KCNN2: variants seen among roughly 807,000 people sequenced by gnomAD.
KCNN2 encodes potassium calcium-activated channel subfamily N member 2.
KCNN2 carries 24 observed loss-of-function variants against 55.5 expected under a neutral mutation model. The ratio of observed to expected loss-of-function variants is 0.43; its 90% CI spans 0.31 to 0.61. KCNN2 has a LOEUF of 0.61. KCNN2 is among the 20% of genes least tolerant of loss of function. The pLI is 0.08. For synonymous variants in KCNN2, 431 were observed against 336.1 expected, an observed-to-expected ratio of 1.28 and a Z score of -3.09; for missense variants, 754 against 853.6, an observed-to-expected ratio of 0.88 and a Z score of 1.45.
At chr5:114,141,052 G>T (rs1298520339) in intron 1 of KCNN2, among the ~76,000 whole-genome samples, 1 of 151,998 alleles carries the variant, frequency 6.6e-6, no homozygotes, top group Non-Finnish European at 1.5e-5. Flanking sequence ...CTCCCAAAGT[G>T]CTGGGATTAC....
At chr5:114,331,371 G>C (rs1756818891) in intron 2 of KCNN2, among the ~76,000 whole-genome samples, 1 of 152,140 alleles carries the variant, frequency 6.6e-6, no homozygotes, top group African/African-American at 2.4e-5. Flanking sequence ...TGTGAAGAAG[G>C]CAATGTGGCT....
intron 3 of KCNN2, among the ~76,000 whole-genome samples, chr5:114,451,056 T>C (rs548212936): frequency 2.2e-4 from 34 of 152,348 alleles, no homozygotes; most frequent in Admixed American, 2.2e-3. Context: ...AACATAGTAG[T>C]GAAAGTTATA....
chr5:114,106,638 C>A (rs1394845490), intron 1 of KCNN2, among the ~76,000 whole-genome samples: 3 of 118,362 alleles, frequency 2.5e-5, no homozygotes, highest in Non-Finnish European at 5.5e-5. Flanking sequence ...GAGGATTTTC[C>A]AGTTGTTTTT....
chr5:114,233,157 T>G (rs1754398301), intron 2 of KCNN2, among the ~76,000 whole-genome samples: 3 of 150,920 alleles, frequency 2.0e-5, no homozygotes, highest in Admixed American at 2.0e-4. Context: ...CCTGACCTCG[T>G]GATCCGCCCG....
intron 1 of KCNN2, among the ~76,000 whole-genome samples, chr5:114,204,940 C>T (rs1160439486): frequency 1.3e-5 from 2 of 152,210 alleles, no homozygotes; most frequent in African/African-American, 4.8e-5. Context: ...AAGAGACTCA[C>T]TTTTCAAACA....
chr5:114,387,091 T>G (rs1456604533), intron 2 of KCNN2, among the ~76,000 whole-genome samples: 1 of 152,210 alleles, frequency 6.6e-6, no homozygotes, highest in Non-Finnish European at 1.5e-5. Context: ...CACTTGATTA[T>G]TTTTTCTTTA....
chr5:114,216,010 A>G (rs143751719), intron 1 of KCNN2, among the ~76,000 whole-genome samples: 19 of 152,298 alleles, frequency 1.2e-4, no homozygotes, highest in Non-Finnish European at 2.8e-4. Context: ...AAATTATAAT[A>G]TAGAACTCAA....
intron 1 of KCNN2, among the ~76,000 whole-genome samples, chr5:114,144,493 C>G (rs1203219004): frequency 2.0e-5 from 3 of 151,986 alleles, no homozygotes; most frequent in African/African-American, 7.3e-5. Flanking sequence ...ATAGTTTACT[C>G]CTTTTAAGAA....
At chr5:114,431,384 T>G (rs981739573) in intron 3 of KCNN2, among the ~76,000 whole-genome samples, 1 of 152,140 alleles carries the variant, frequency 6.6e-6, no homozygotes, top group Non-Finnish European at 1.5e-5. Context: ...AGAATGTTGT[T>G]CATAATATTA....
At chr5:114,127,587 G>C (rs569191736) in intron 1 of KCNN2, among the ~76,000 whole-genome samples, 34 of 152,288 alleles carry the variant, frequency 2.2e-4, no homozygotes, top group Admixed American at 1.8e-3. Flanking sequence ...GTGATGGGAG[G>C]GGCTGCTGGG....
At chr5:114,107,393 C>A (rs1012774206) in intron 1 of KCNN2, among the ~76,000 whole-genome samples, 1 of 151,752 alleles carries the variant, frequency 6.6e-6, no homozygotes, top group African/African-American at 2.4e-5. Context: ...TTATAATGTG[C>A]ATTCTTTTTG....
At position 114,179,004 on chromosome 5, in the gene KCNN2, T is replaced by C. The variant is rs150824851; in HGVS notation, c.-270-42476T>C. ...CAAAGACATTAGCATCTGTAGGCTT[T>C]TTGAGATCCCTCCAAGACAGAATTC... On this transcript the variant is annotated intron_variant, in intron 1 of 10. Transcript: ENST00000512097. Among the ~76,000 whole-genome samples, 7 of 152,312 alleles carry C rather than the reference T, an allele frequency of 4.6e-5. No homozygotes were observed. The East Asian group carries it at 1.3e-3, about 29-fold the overall frequency.
chr5:114,379,744 A>G (rs1326735545), intron 2 of KCNN2, among the ~76,000 whole-genome samples: 3 of 128,472 alleles, frequency 2.3e-5, no homozygotes, highest in African/African-American at 1.0e-4. Flanking sequence ...AATATATTAT[A>G]TAACATATTA....
chr5:114,363,394 G>A, intron 1 of KCNN2, 133 bp downstream of exon 1: 1 of 1,155,534 alleles, frequency 8.7e-7, no homozygotes, highest in Non-Finnish European at 1.2e-6. Flanking sequence ...AGGACAGCGG[G>A]CGCGTCTAGG....
Position 114,471,629 on chromosome 5 carries a change from T to G in KCNN2, c.1780-1425T>G, listed in dbSNP as rs143434219. ...AATCATTTACTCTGCTTTAGTTGTC[T>G]CATCTCTAAAATCAGAAGGCTAAAT... On this transcript the variant is annotated intron_variant, in intron 4 of 7. Coordinates refer to ENST00000673685, the MANE Select transcript of KCNN2 (RefSeq NM_021614.4). Among the ~76,000 whole-genome samples, 338 of 152,316 alleles carry G rather than the reference T, an allele frequency of 2.2e-3. 2 individuals are homozygous for G. Among genetic ancestry groups the G allele is most frequent in the African/African-American group, 8.0e-3 (333 of 41,570 alleles).
chr5:114,088,900 C>T (rs546852640), intron 1 of KCNN2, among the ~76,000 whole-genome samples: 20 of 152,270 alleles, frequency 1.3e-4, no homozygotes, highest in Non-Finnish European at 2.1e-4. Flanking sequence ...AGATTACAGG[C>T]GTGAGCCACT....
At chr5:114,302,155 T>G (rs1413463073) in intron 2 of KCNN2, among the ~76,000 whole-genome samples, 1 of 152,230 alleles carries the variant, frequency 6.6e-6, no homozygotes. Context: ...GTTGCTGATC[T>G]CACCTACCTT....
intron 1 of KCNN2, among the ~76,000 whole-genome samples, chr5:114,218,939 C>G (rs1754068383): frequency 6.6e-6 from 1 of 152,200 alleles, no homozygotes; most frequent in African/African-American, 2.4e-5. Context: ...CTCAACTCCT[C>G]ATGGGAAGGA....
chr5:114,276,658 A>ATTTTTTT (rs141201743), intron 2 of KCNN2, among the ~76,000 whole-genome samples: 1 of 130,448 alleles, frequency 7.7e-6, no homozygotes, highest in African/African-American at 2.9e-5. Context: ...CAACCCCTGC[A>ATTTTTTT]TTTTTTTTTT....
Sources: allele counts gnomAD v4.1 joint callset (sites outside exome capture counted in the v4.1 genomes callset), GRCh38; gene constraint gnomAD v4.1.1; transcripts MANE v1.5; gene names NCBI Gene and HGNC (gene_info 2026-07-23, HGNC 2026-07-21).